Variants in PTPRZ1 observed in about 807,000 individuals in gnomAD.
The protein encoded by PTPRZ1 is receptor-type tyrosine-protein phosphatase zeta.
PTPRZ1 carries 82 observed loss-of-function variants against 214.1 expected under a neutral mutation model. The ratio of observed to expected loss-of-function variants is 0.38; its 90% CI spans 0.32 to 0.46. PTPRZ1 has a LOEUF of 0.46. Ranked by LOEUF, PTPRZ1 falls within the 20% of genes least tolerant of loss-of-function variation. The pLI is 1.00. For synonymous variants in PTPRZ1, 945 were observed against 987.9 expected, an observed-to-expected ratio of 0.96 and a Z score of 0.81; for missense variants, 2,603 against 2,748.7, an observed-to-expected ratio of 0.95 and a Z score of 1.19.
At position 122,057,972 on chromosome 7, in the gene PTPRZ1, A is replaced by G. The variant is rs1036920862; in HGVS notation, c.6529-828A>G. Among the ~76,000 whole-genome samples, 6 of 149,672 alleles carry G rather than the reference A, an allele frequency of 4.0e-5. No individual in the cohort carries two copies. In the East Asian group the frequency reaches 9.8e-4, roughly 24 times the overall value. On this transcript the variant is annotated intron_variant, in intron 27 of 29. Transcript: ENST00000393386. ...AGTGTGTGTGTGTGTGTGTGTGTAT[A>G]TATATACATATATATATACATATAT...
intron 4 of PTPRZ1, among the ~76,000 whole-genome samples, chr7:121,975,237 G>A (rs1189640683): frequency 6.6e-6 from 1 of 151,984 alleles, no homozygotes; most frequent in Non-Finnish European, 1.5e-5. Flanking sequence ...TACCATATGG[G>A]AGGTCAGAAA....
At chr7:121,944,603 A>T (rs1268173983) in intron 2 of PTPRZ1, among the ~76,000 whole-genome samples, 3 of 151,770 alleles carry the variant, frequency 2.0e-5, no homozygotes, top group Admixed American at 2.0e-4. Context: ...AATAATGTAA[A>T]CCCCACAGGA....
At chr7:121,970,328 G>A (rs1045372302) in intron 3 of PTPRZ1, among the ~76,000 whole-genome samples, 1 of 152,234 alleles carries the variant, frequency 6.6e-6, no homozygotes, top group East Asian at 1.9e-4. Flanking sequence ...GTAATGGGAT[G>A]GCTGGGTCAA....
intron 1 of PTPRZ1, among the ~76,000 whole-genome samples, chr7:121,911,972 T>C (rs1047257567): frequency 2.9e-4 from 44 of 151,998 alleles, no homozygotes; most frequent in African/African-American, 1.1e-3. Context: ...AAAGTAGACC[T>C]GTTTTGAAAA....
At chr7:122,002,777 T>C (rs1306928785) in intron 10 of PTPRZ1, among the ~76,000 whole-genome samples, 1 of 152,224 alleles carries the variant, frequency 6.6e-6, no homozygotes, top group Non-Finnish European at 1.5e-5. Context: ...TGGAAAATAC[T>C]TGATATTTTT....
intron 14 of PTPRZ1, among the ~76,000 whole-genome samples, chr7:122,029,979 T>C (rs1045130059): frequency 2.0e-5 from 3 of 151,974 alleles, no homozygotes; most frequent in African/African-American, 7.2e-5. Flanking sequence ...CAGTTATCTG[T>C]TACATTTTGA....
At position 122,059,960 on chromosome 7, in the gene PTPRZ1, C is replaced by CTTA. The variant is rs1204111273; in HGVS notation, c.6807+74_6807+76dup. 4 of 1,435,758 alleles carry CTTA rather than the reference C, an allele frequency of 2.8e-6. No homozygotes were observed. In the African/African-American group the frequency reaches 5.7e-5, roughly 21 times the overall value. The allele number at this position is 1,435,758 out of a possible 1,614,324, so 88.9% of individuals were successfully genotyped here. On this transcript the variant is annotated intron_variant, in intron 29 of 29. Transcript: ENST00000393386. ...CTAACTTCCTAGAGGCTGCTGAAAT[C>CTTA]TTATGTATCAAGAAAGATCTTATTA...
chr7:121,954,499 T>G (rs1174756028), intron 2 of PTPRZ1, among the ~76,000 whole-genome samples: 1 of 152,226 alleles, frequency 6.6e-6, no homozygotes, highest in Non-Finnish European at 1.5e-5. Context: ...TTCAAGTACC[T>G]TTTTTATCTA....
At chr7:121,886,007 C>T (rs1035818588) in intron 1 of PTPRZ1, among the ~76,000 whole-genome samples, 2 of 152,048 alleles carry the variant, frequency 1.3e-5, no homozygotes, top group Non-Finnish European at 2.9e-5. Flanking sequence ...TATCTTTATG[C>T]GATGAGTTCT....
At chr7:121,962,043 A>G (rs1796894803) in intron 2 of PTPRZ1, among the ~76,000 whole-genome samples, 2 of 152,206 alleles carry the variant, frequency 1.3e-5, no homozygotes, top group Non-Finnish European at 2.9e-5. Flanking sequence ...TGGCTACAAT[A>G]TAGTGAATTC....
intron 10 of PTPRZ1, among the ~76,000 whole-genome samples, chr7:121,999,096 A>G (rs1001809766): frequency 1.3e-5 from 2 of 152,144 alleles, no homozygotes; most frequent in South Asian, 2.1e-4. Context: ...ATATTATAGT[A>G]TGCATCATTC....
At position 122,034,214 on chromosome 7, in the gene PTPRZ1, T is replaced by C. The variant is rs998363561; in HGVS notation, c.5188-68T>C. 3.2e-6 allele frequency: 5 copies of C among 1,570,782 alleles called. No individual in the cohort carries two copies. The African/African-American group carries it at 6.8e-5, about 21-fold the overall frequency. On this transcript the variant is annotated intron_variant, in intron 16 of 29. Transcript: ENST00000393386. ...ATTATTTTGTTTGTTTTGTCTTCGT[T>C]ATTATATTTTAAGGCACGTTGTTTG... is the stretch of plus-strand genomic sequence containing the variant.
intron 1 of PTPRZ1, among the ~76,000 whole-genome samples, chr7:121,878,847 T>C (rs1242413183): frequency 6.6e-6 from 1 of 152,132 alleles, no homozygotes. Context: ...AATAAATCTT[T>C]AATGTATAAG....
At chr7:122,002,085 T>C (rs1798343863) in intron 10 of PTPRZ1, among the ~76,000 whole-genome samples, 1 of 152,304 alleles carries the variant, frequency 6.6e-6, no homozygotes, top group Non-Finnish European at 1.5e-5. Context: ...GAGTTCAGGA[T>C]GTTGAATTCA....
chr7:122,055,107 G>T lies in PTPRZ1; in HGVS notation c.6528+20G>T. On this transcript the variant is annotated intron_variant, in intron 27 of 29. Transcript: ENST00000393386. The stretch of plus-strand genomic sequence containing the variant: ...ACACAGGTAAGGATATAAGTTAAAT[G>T]ACAAACTTTTTATCTTAAACACATG... The T allele has an allele frequency of 6.7e-7, 1 of 1,493,754 alleles. No individual in the cohort carries two copies. Among genetic ancestry groups the T allele is most frequent in the South Asian group, 1.3e-5 (1 of 78,302 alleles). 92.5% of individuals were successfully genotyped at this position (1,493,754 alleles called of 1,614,324 possible).
chr7:121,897,267 A>G (rs1794812972), intron 1 of PTPRZ1, among the ~76,000 whole-genome samples: 1 of 152,068 alleles, frequency 6.6e-6, no homozygotes, highest in South Asian at 2.1e-4. Flanking sequence ...TTAACCTCAT[A>G]CCCTTCAGTG....
At chr7:121,975,646 A>C (rs145739630) in intron 4 of PTPRZ1, among the ~76,000 whole-genome samples, 106 of 152,328 alleles carry the variant, frequency 7.0e-4, no homozygotes, top group African/African-American at 2.3e-3. Flanking sequence ...AATTATATAG[A>C]GGCTGTTACA....
intron 2 of PTPRZ1, among the ~76,000 whole-genome samples, chr7:121,928,469 A>C (rs964070055): frequency 6.6e-6 from 1 of 152,192 alleles, no homozygotes; most frequent in Non-Finnish European, 1.5e-5. Context: ...CAAGCTGTCT[A>C]TATACCTTCA....
At chr7:121,969,958 C>T (rs1424666574) in intron 3 of PTPRZ1, among the ~76,000 whole-genome samples, 1 of 120,118 alleles carries the variant, frequency 8.3e-6, no homozygotes, top group Non-Finnish European at 1.7e-5. Flanking sequence ...CCCCTCCCCC[C>T]ACCCCGCAAC....
Sources: allele counts gnomAD v4.1 joint callset (sites outside exome capture counted in the v4.1 genomes callset), GRCh38; gene constraint gnomAD v4.1.1; transcripts MANE v1.5; gene names NCBI Gene and HGNC (gene_info 2026-07-23, HGNC 2026-07-21).